Variants in DPF1 observed in about 807,000 individuals in gnomAD.
DPF1 encodes double PHD fingers 1, also known as zinc finger protein neuro-d4.
DPF1 carries 14 observed loss-of-function variants against 58.7 expected under a neutral mutation model. That is an observed-to-expected ratio of 0.24 (90% confidence interval 0.16 to 0.37). The LOEUF is 0.37. DPF1 is among the 10% of genes least tolerant of loss of function. The pLI, the probability that DPF1 is intolerant of heterozygous loss-of-function variation, is 1.00. For synonymous variants in DPF1, 216 were observed against 216.0 expected (o/e 1.00, Z 0.00); for missense variants, 345 against 529.9 (o/e 0.65, Z 3.43).
At chr19:38,227,034 C>CTTCCTT (rs1333204747), upstream of DPF1, among the ~76,000 whole-genome samples, 1 of 135,088 alleles carries the variant, frequency 7.4e-6, no homozygotes, top group Non-Finnish European at 1.6e-5. Flanking sequence ...TCCTTCCTTC[C>CTTCCTT]TTTCTTTCTT....
intron 7 of DPF1, 124 bp downstream of exon 7, chr19:38,217,336 G>A (rs1351816925): frequency 3.0e-6 from 4 of 1,327,078 alleles, no homozygotes; most frequent in Admixed American, 2.4e-5. Context: ...TCGGTGGGGG[G>A]AGGGAACGGC....
chr19:38,212,236 G>C, intron 11 of DPF1, 44 bp downstream of exon 11: 1 of 1,274,256 alleles, frequency 7.8e-7, no homozygotes, highest in Non-Finnish European at 1.1e-6. Flanking sequence ...AGGAGATGGC[G>C]TTCCCACCCA....
At chr19:38,216,001 C>A in intron 9 of DPF1, 139 bp downstream of exon 9, 2 of 1,419,898 alleles carry the variant, frequency 1.4e-6, no homozygotes, top group Non-Finnish European at 1.9e-6. Context: ...ATCAGCCTCG[C>A]TAGCTCTGGT....
chr19:38,222,496 C>A lies in DPF1; in HGVS notation c.191-32G>T, dbSNP rs545695489. The A allele has an allele frequency of 5.1e-6, 8 of 1,581,052 alleles. No individual in the cohort carries two copies. The South Asian group carries it at 9.3e-5, about 18-fold the overall frequency. ...AGAGAGGGGGGTGAGAGGGCGGCGG[C>A]GGTGGGGCGGCCTGGCCCCGCCCCG... On this transcript the variant is annotated intron_variant, in intron 2 of 11. Coordinates refer to ENST00000355526, the MANE Select transcript of DPF1 (RefSeq NM_001135155.3). This position sits in a 1 kb window ranked among gnomAD's most constrained non-coding sequence, Gnocchi z 4.9.
At chr19:38,218,893 GA>G in intron 4 of DPF1, 37 bp downstream of exon 4, 1 of 1,611,128 alleles carries the variant, frequency 6.2e-7, no homozygotes. Context: ...GGGGTGAGAC[GA>G]AGCCATGCAG....
In DPF1 at chr19:38,212,268, C is replaced by A; in HGVS notation, c.1093+12G>T. ...CCCACCCGCCCCATGGGATGCCCAC[C>A]TCTCCTCTCACCTTCCGGGGGCTCC... is the stretch of plus-strand genomic sequence containing the variant. On this transcript the variant is annotated intron_variant, in intron 11 of 11. Coordinates refer to ENST00000355526, the MANE Select transcript of DPF1 (RefSeq NM_001135155.3). 6.7e-7 allele frequency: 1 copy of A among 1,491,754 alleles called. No individual in the cohort carries two copies. Among genetic ancestry groups the A allele is most frequent in the Non-Finnish European group, 9.1e-7 (1 of 1,102,360 alleles). 92.4% of individuals were successfully genotyped at this position (1,491,754 alleles called of 1,614,324 possible). A position where few individuals can be genotyped will look rare whatever the true frequency, so the allele number is the denominator to read the frequency against.
chr19:38,226,988 A>C (rs55906448), upstream of DPF1, among the ~76,000 whole-genome samples: 71,621 of 128,084 alleles, frequency 0.56, 19,747 homozygotes, highest in African/African-American at 0.66. Context: ...TTCTTCTTTT[A>C]TTTCTCTTCC....
upstream of DPF1, among the ~76,000 whole-genome samples, chr19:38,225,176 G>A (rs1967762121): frequency 6.6e-6 from 1 of 152,150 alleles, no homozygotes; most frequent in African/African-American, 2.4e-5. Flanking sequence ...CTCAGGAGGT[G>A]GAGGTTGCAG....
In DPF1 at chr19:38,222,919, C is replaced by A; in HGVS notation, c.30-211G>T. On this transcript the variant is annotated intron_variant, in intron 1 of 11. Coordinates refer to ENST00000355526, the MANE Select transcript of DPF1 (RefSeq NM_001135155.3). The surrounding 1 kb of genome is among the most constrained non-coding windows in gnomAD (Gnocchi z 4.9). ...CCCAAACTGGGACTCAAACAGGCCCCCAGCTCATGAGTAGAAACACGATAC... is the reference window on the plus strand; with the variant it reads ...CCCAAACTGGGACTCAAACAGGCCCACAGCTCATGAGTAGAAACACGATAC... The A allele has an allele frequency of 1.7e-6, 1 of 586,056 alleles. No individual in the cohort carries two copies. Among genetic ancestry groups the A allele is most frequent in the Non-Finnish European group, 2.8e-6 (1 of 353,474 alleles). The allele number at this position is 586,056 out of a possible 1,614,324, so 36.3% of individuals were successfully genotyped here.
upstream of DPF1, chr19:38,227,976 A>C (rs1411719197): frequency 6.6e-6 from 1 of 152,288 alleles, no homozygotes; most frequent in Non-Finnish European, 1.5e-5. Context: ...CGGCTGTAGC[A>C]CACCTCCTCC....
chr19:38,222,385 G>A lies in DPF1; in HGVS notation c.270C>T (p.Pro90=), dbSNP rs1967553121. The A allele has an allele frequency of 6.3e-7, 1 of 1,589,984 alleles. No individual in the cohort carries two copies. Among genetic ancestry groups the A allele is most frequent in the Non-Finnish European group, 8.5e-7 (1 of 1,173,748 alleles). The change falls in exon 3 of 12, where the codon CCC becomes CCT. Residue 90 remains proline, a synonymous_variant. Coordinates refer to ENST00000355526, the MANE Select transcript of DPF1 (RefSeq NM_001135155.3). This position sits in a 1 kb window ranked among gnomAD's most constrained non-coding sequence, Gnocchi z 4.9. The stretch of plus-strand genomic sequence containing the variant: ...TCTTGTACTCGCAGGGCCTGAGTCT[G>A]GGGTCCTCCAGGATGTTGAGTCTCC... ...KKRRLNILED[P]RLRPCEYKID...
chr19:38,219,150 G>T, intron 3 of DPF1, 92 bp from the exon 4 acceptor site: 3 of 1,539,292 alleles, frequency 1.9e-6, no homozygotes. Context: ...CTCTTTGCAG[G>T]AGGGAAGAGG....
At position 38,217,469 on chromosome 19, in the gene DPF1, TG is replaced by T; in HGVS notation, c.717del (p.Asn239LysfsTer71). ...TGGCCTGCCAGCTCACGTTTATGGT[TG>T]TTTTTCCGGTGGAAGGGCAGGGCGT... ...ERHALPFHRK[N>X]NHKQFYKELA... On this transcript the variant is annotated frameshift_variant, in exon 7 of 12. Transcript: ENST00000355526. LOFTEE classifies it high-confidence loss of function. The T allele has an allele frequency of 6.6e-7, 1 of 1,523,948 alleles. No homozygotes were observed. Among genetic ancestry groups the T allele is most frequent in the Non-Finnish European group, 8.8e-7 (1 of 1,130,612 alleles). 94.4% of individuals were successfully genotyped at this position (1,523,948 alleles called of 1,614,324 possible).
chr19:38,213,915 G>A (rs1010462449), intron 9 of DPF1, 159 bp from the exon 10 acceptor site: 7 of 603,102 alleles, frequency 1.2e-5, no homozygotes, highest in South Asian at 2.0e-5. Flanking sequence ...CAGCAACCAC[G>A]TGGCCGGCAG....
At chr19:38,213,607 C>A (rs763765666) in intron 10 of DPF1, 37 bp downstream of exon 10, 2 of 1,581,232 alleles carry the variant, frequency 1.3e-6, no homozygotes, top group East Asian at 2.3e-5. Flanking sequence ...CCAGGCGGGG[C>A]GGGCAGCAGG....
intron 9 of DPF1, among the ~76,000 whole-genome samples, chr19:38,214,550 C>T (rs1002769059): frequency 8.5e-5 from 13 of 152,212 alleles, no homozygotes; most frequent in African/African-American, 3.1e-4. Context: ...TTCTGTTAAC[C>T]ACAACTCTAT....
At chr19:38,216,504 G>A in intron 7 of DPF1, 101 bp from the exon 8 acceptor site, 2 of 1,392,184 alleles carry the variant, frequency 1.4e-6, no homozygotes, top group Non-Finnish European at 9.5e-7. Context: ...CCAGGCGTGG[G>A]GAGCTGGGAA....
intron 7 of DPF1, among the ~76,000 whole-genome samples, chr19:38,217,069 T>A (rs1568627991): frequency 6.6e-6 from 1 of 151,886 alleles, no homozygotes; most frequent in Non-Finnish European, 1.5e-5. Context: ...CCCTCCCCCA[T>A]CCTTCAGCTG....
At chr19:38,228,417 C>A (rs1967916394), upstream of DPF1, among the ~76,000 whole-genome samples, 1 of 151,978 alleles carries the variant, frequency 6.6e-6, no homozygotes, top group Non-Finnish European at 1.5e-5. Context: ...ACCCCCGCCC[C>A]CAGCCCTCGA....
Sources: allele counts gnomAD v4.1 joint callset (sites outside exome capture counted in the v4.1 genomes callset), GRCh38; gene constraint gnomAD v4.1.1; non-coding constraint Gnocchi (gnomAD v3.1); transcripts MANE v1.5; gene names NCBI Gene and HGNC (gene_info 2026-07-23, HGNC 2026-07-21).